BTBD9: variants seen among roughly 807,000 people sequenced by gnomAD.
The protein encoded by BTBD9 is BTB domain containing 9.
Under a neutral mutation model 64.3 loss-of-function variants are expected in BTBD9, and 49 were observed. That is an observed-to-expected ratio of 0.76 (90% CI 0.61 to 0.97). BTBD9 has a LOEUF of 0.97. Among genes scored for constraint, BTBD9 ranks in the 50% least tolerant of loss-of-function variants. The probability of loss-of-function intolerance (pLI) is 0.00; values close to 1 mark genes in which losing one functional copy is unlikely to be tolerated. For synonymous variants in BTBD9, 260 were observed against 274.7 expected (o/e 0.95, Z 0.53); for missense variants, 598 against 762.1 (o/e 0.78, Z 2.53).
intron 1 of BTBD9, among the ~76,000 whole-genome samples, chr6:38,636,265 A>G (rs1433974914): frequency 2.0e-5 from 3 of 152,220 alleles, no homozygotes; most frequent in African/African-American, 7.2e-5. Flanking sequence ...CCACTAAGTT[A>G]ACTACTATAC....
At chr6:38,639,300 G>A (rs1778641472) in intron 1 of BTBD9, among the ~76,000 whole-genome samples, 1 of 152,186 alleles carries the variant, frequency 6.6e-6, no homozygotes, top group African/African-American at 2.4e-5. Flanking sequence ...CCAAGGTCGT[G>A]GGTGTGTCTG....
At chr6:38,487,228 T>C (rs574484999) in intron 6 of BTBD9, among the ~76,000 whole-genome samples, 3 of 152,352 alleles carry the variant, frequency 2.0e-5, no homozygotes, top group African/African-American at 7.2e-5. Context: ...TTATCCATTA[T>C]ATAAATTATC....
chr6:38,552,583 A>G (rs774446240), intron 6 of BTBD9, among the ~76,000 whole-genome samples: 1 of 152,056 alleles, frequency 6.6e-6, no homozygotes, highest in Non-Finnish European at 1.5e-5. Context: ...GCTGGCCAAC[A>G]TGGTGAAACC....
At position 38,293,334 on chromosome 6, in the gene BTBD9, G is replaced by A. The variant is rs186213339; in HGVS notation, c.1265-4873C>T. ...AAAAAACTACTTTAAATTTCACATG[G>A]AACCAAAAAAGAGCTTGCATAGCCA... is the stretch of plus-strand genomic sequence containing the variant. On this transcript the variant is annotated intron_variant, in intron 7 of 10. Coordinates refer to ENST00000481247, the MANE Select transcript of BTBD9 (RefSeq NM_001099272.2). Among the ~76,000 whole-genome samples, 426 of 152,064 alleles carry A rather than the reference G, an allele frequency of 2.8e-3. 2 individuals carry two copies. Among genetic ancestry groups the A allele is most frequent in the African/African-American group, 9.7e-3 (403 of 41,494 alleles).
chr6:38,370,796 T>C (rs771158270), intron 6 of BTBD9, among the ~76,000 whole-genome samples: 6 of 152,224 alleles, frequency 3.9e-5, no homozygotes, highest in African/African-American at 7.2e-5. Flanking sequence ...ATTAAGCAAG[T>C]ACTGAAATTT....
intron 6 of BTBD9, among the ~76,000 whole-genome samples, chr6:38,529,655 A>G (rs1773693192): frequency 6.6e-6 from 1 of 152,206 alleles, no homozygotes; most frequent in Admixed American, 6.5e-5. Context: ...AATTGTGAAG[A>G]TTTCATAGAC....
intron 6 of BTBD9, among the ~76,000 whole-genome samples, chr6:38,394,594 C>A (rs1766581588): frequency 6.6e-6 from 1 of 151,998 alleles, no homozygotes; most frequent in East Asian, 1.9e-4. Flanking sequence ...GTCGTTCCTT[C>A]TCATACTAAT....
chr6:38,233,401 C>A (rs568620881), intron 9 of BTBD9, among the ~76,000 whole-genome samples: 1 of 152,304 alleles, frequency 6.6e-6, no homozygotes, highest in Admixed American at 6.5e-5. Flanking sequence ...TATATCAGAG[C>A]AGTTCTTTGC....
At chr6:38,632,901 TA>T (rs951092888) in intron 1 of BTBD9, among the ~76,000 whole-genome samples, 27 of 152,184 alleles carry the variant, frequency 1.8e-4, no homozygotes, top group African/African-American at 6.5e-4. Context: ...CACTATACTC[TA>T]GTCTGGGCAA....
chr6:38,552,922 A>G (rs1434327935), intron 6 of BTBD9, among the ~76,000 whole-genome samples: 2 of 152,140 alleles, frequency 1.3e-5, no homozygotes, highest in Non-Finnish European at 2.9e-5. Flanking sequence ...GGATATCAAA[A>G]TCTACAGATG....
chr6:38,558,247 G>C (rs529775102), intron 6 of BTBD9, among the ~76,000 whole-genome samples: 2 of 141,806 alleles, frequency 1.4e-5, no homozygotes, highest in East Asian at 4.4e-4. Flanking sequence ...GATGCAGTGA[G>C]ACCCTTTCTT....
At chr6:38,279,656 G>C (rs1761433433) in intron 8 of BTBD9, among the ~76,000 whole-genome samples, 1 of 152,122 alleles carries the variant, frequency 6.6e-6, no homozygotes, top group Non-Finnish European at 1.5e-5. Flanking sequence ...TAAAACATCT[G>C]CCACAGAAGG....
chr6:38,363,240 C>G (rs1210034927), intron 6 of BTBD9, among the ~76,000 whole-genome samples: 1 of 152,120 alleles, frequency 6.6e-6, no homozygotes, highest in Non-Finnish European at 1.5e-5. Context: ...AGGTATGCAC[C>G]ACTGCACTGG....
At chr6:38,520,465 C>CA (rs1773226995) in intron 6 of BTBD9, among the ~76,000 whole-genome samples, 1 of 151,764 alleles carries the variant, frequency 6.6e-6, no homozygotes, top group Non-Finnish European at 1.5e-5. Flanking sequence ...CATCTCAAAA[C>CA]AAAAAAACAA....
chr6:38,401,908 C>G (rs879284123), intron 6 of BTBD9, among the ~76,000 whole-genome samples: 1 of 152,168 alleles, frequency 6.6e-6, no homozygotes, highest in Non-Finnish European at 1.5e-5. Context: ...ACTATACATA[C>G]TCTACTCTTT....
chr6:38,485,510 C>A (rs1037270038), intron 6 of BTBD9, among the ~76,000 whole-genome samples: 1 of 152,168 alleles, frequency 6.6e-6, no homozygotes, highest in African/African-American at 2.4e-5. Context: ...GGCATGAAAA[C>A]AACATTCATC....
chr6:38,371,180 T>C (rs1408119471), intron 6 of BTBD9, among the ~76,000 whole-genome samples: 1 of 152,202 alleles, frequency 6.6e-6, no homozygotes, highest in Non-Finnish European at 1.5e-5. Flanking sequence ...ATTGCTTTAA[T>C]GGGTCTCAGC....
At chr6:38,581,698 C>A (rs976000354) in intron 4 of BTBD9, among the ~76,000 whole-genome samples, 1 of 152,198 alleles carries the variant, frequency 6.6e-6, no homozygotes, top group Admixed American at 6.5e-5. Flanking sequence ...CCACATTTAG[C>A]CAGGTGCATC....
intron 8 of BTBD9, among the ~76,000 whole-genome samples, chr6:38,257,512 T>C (rs1351405326): frequency 1.3e-5 from 2 of 152,150 alleles, no homozygotes; most frequent in East Asian, 1.9e-4. Flanking sequence ...ATATTTCTTA[T>C]AGTATTCTCT....
Sources: gnomAD v4.1 joint callset for allele counts (sites outside exome capture counted in the v4.1 genomes callset) on GRCh38, gnomAD v4.1.1 for gene constraint, MANE v1.5 for transcripts, NCBI Gene and HGNC (gene_info 2026-07-23, HGNC 2026-07-21) for gene names.